The following CHSY1 variants were observed in gnomAD, a reference collection of about 807,000 sequenced individuals.
CHSY1 encodes chondroitin sulfate synthase 1.
A neutral mutation model predicts 59.8 loss-of-function variants in CHSY1; 13 were observed. That is an observed-to-expected ratio of 0.22 (90% confidence interval 0.14 to 0.35). CHSY1 has a LOEUF of 0.35. Among genes scored for constraint, CHSY1 ranks in the 10% least tolerant of loss-of-function variants. CHSY1 has a pLI of 1.00. For missense variants in CHSY1, 947 were observed against 1,030.6 expected, an observed-to-expected ratio of 0.92 and a Z score of 1.11; for synonymous variants, 459 against 401.2, an observed-to-expected ratio of 1.14 and a Z score of -1.72.
chr15:101,195,617 C>A (rs1046520776), intron 2 of CHSY1, among the ~76,000 whole-genome samples: 1 of 152,036 alleles, frequency 6.6e-6, no homozygotes, highest in Non-Finnish European at 1.5e-5. Context: ...GTCAGGAGAT[C>A]GAAACCATAC....
At chr15:101,205,210 AACCCTATT>A (rs2038613097) in intron 2 of CHSY1, among the ~76,000 whole-genome samples, 1 of 151,950 alleles carries the variant, frequency 6.6e-6, no homozygotes, top group Non-Finnish European at 1.5e-5. Context: ...TCCTGGACAA[AACCCTATT>A]ACTATTTCTG....
intron 1 of CHSY1, among the ~76,000 whole-genome samples, chr15:101,247,673 T>C (rs2039065058): frequency 6.6e-6 from 1 of 152,184 alleles, no homozygotes; most frequent in Non-Finnish European, 1.5e-5. Flanking sequence ...ACCTGCTACA[T>C]TTTGAGTTTT....
rs2039118340 is a variant in CHSY1, at chr15:101,251,774, G to C, written c.-318C>G. On this transcript the variant is annotated 5_prime_UTR_variant, in exon 1 of 3. Transcript: ENST00000254190. ...GCTCGCGCGCGGGGACGCGGGGCCGGCACGACGGCGACGACGGCGGCGGCA... is the reference window on the plus strand; with the variant it reads ...GCTCGCGCGCGGGGACGCGGGGCCGCCACGACGGCGACGACGGCGGCGGCA... 6.7e-6 allele frequency: 1 copy of C among 149,786 alleles called. No homozygotes were observed. Among genetic ancestry groups the C allele is most frequent in the Non-Finnish European group, 1.5e-5 (1 of 67,288 alleles). 9.3% of individuals were successfully genotyped at this position (149,786 alleles called of 1,614,324 possible).
chr15:101,226,671 A>G (rs1236711451), intron 2 of CHSY1, among the ~76,000 whole-genome samples: 1 of 151,660 alleles, frequency 6.6e-6, no homozygotes, highest in Non-Finnish European at 1.5e-5. Flanking sequence ...ACTGCACCCC[A>G]CCTCGCTCCA....
At chr15:101,224,014 A>C (rs2038815003) in intron 2 of CHSY1, among the ~76,000 whole-genome samples, 1 of 152,262 alleles carries the variant, frequency 6.6e-6, no homozygotes, top group Non-Finnish European at 1.5e-5. Flanking sequence ...TTAGAAATAC[A>C]AACACTTACC....
rs1180359083 is a variant in CHSY1 at position 101,176,125 on chromosome 15, C to T, written c.*1263G>A. 2.5e-5 allele frequency: 10 copies of T among 397,278 alleles called. No homozygotes were observed. Among genetic ancestry groups the T allele is most frequent in the Non-Finnish European group, 4.4e-6 (1 of 225,610 alleles). 24.6% of individuals were successfully genotyped at this position (397,278 alleles called of 1,614,324 possible). A position where few individuals can be genotyped will look rare whatever the true frequency, so the allele number is the denominator to read the frequency against. The stretch of plus-strand genomic sequence containing the variant: ...TTTCCAAAAGGAAATCTTTGGAGAT[C>T]GGTTTACTGCAAATAAAACAGACTA... On this transcript the variant is annotated 3_prime_UTR_variant, in exon 3 of 3. Coordinates refer to ENST00000254190, the MANE Select transcript of CHSY1 (RefSeq NM_014918.5).
Position 101,177,338 on chromosome 15 carries a change from TGAAAA to T in CHSY1, c.*45_*49del. 1 of 1,571,700 alleles carries T rather than the reference TGAAAA, an allele frequency of 6.4e-7. No individual in the cohort carries two copies. Among genetic ancestry groups the T allele is most frequent in the Non-Finnish European group, 8.6e-7 (1 of 1,162,170 alleles). ...AAAAACTGATCATACAAAAAATTTTTGAAAAATAAATTAGATAATTAAAAACGTCT... is the reference window on the plus strand; with the variant it reads ...AAAAACTGATCATACAAAAAATTTTTATAAATTAGATAATTAAAAACGTCT... On this transcript the variant is annotated 3_prime_UTR_variant, in exon 3 of 3. Coordinates refer to ENST00000254190, the MANE Select transcript of CHSY1 (RefSeq NM_014918.5).
intron 1 of CHSY1, among the ~76,000 whole-genome samples, chr15:101,248,409 C>T (rs957244816): frequency 6.6e-6 from 1 of 152,208 alleles, no homozygotes; most frequent in Non-Finnish European, 1.5e-5. Flanking sequence ...GCAAAGGACC[C>T]TAACTGGCAG....
intron 2 of CHSY1, 99 bp downstream of exon 2, chr15:101,234,983 C>G: frequency 6.7e-7 from 1 of 1,490,038 alleles, no homozygotes; most frequent in Non-Finnish European, 9.2e-7. Flanking sequence ...CTTCAACCCT[C>G]AAAGAGGATA....
At chr15:101,181,881 G>A (rs1177686451) in intron 2 of CHSY1, among the ~76,000 whole-genome samples, 1 of 152,108 alleles carries the variant, frequency 6.6e-6, no homozygotes, top group African/African-American at 2.4e-5. Context: ...ACTGTTGACT[G>A]GAAGTCTTAT....
At position 101,178,336 on chromosome 15, in the gene CHSY1, C is replaced by T. The variant is rs754194196; in HGVS notation, c.1461G>A (p.Glu487=). The change falls in exon 3 of 3, where the codon GAG becomes GAA. Residue 487 remains glutamate, a synonymous_variant. Coordinates refer to ENST00000254190, the MANE Select transcript of CHSY1 (RefSeq NM_014918.5). ...FSKIQFVEHE[E]LDAQELAKRI... is the part of the protein sequence containing the mutation. ...TCTTGGCCAACTCTTGTGCATCCAGCTCCTCATGCTCCACAAACTGGATTT... is the reference window on the plus strand; with the variant it reads ...TCTTGGCCAACTCTTGTGCATCCAGTTCCTCATGCTCCACAAACTGGATTT... 3.0e-5 allele frequency: 48 copies of T among 1,607,586 alleles called. No individual in the cohort carries two copies. The East Asian group carries it at 7.4e-4, about 25-fold the overall frequency.
At chr15:101,222,337 T>C (rs1014546791) in intron 2 of CHSY1, among the ~76,000 whole-genome samples, 1 of 152,192 alleles carries the variant, frequency 6.6e-6, no homozygotes, top group Non-Finnish European at 1.5e-5. Context: ...TTCTAGCCAC[T>C]TTGTACTTCA....
chr15:101,248,935 T>C (rs374341622), intron 1 of CHSY1, among the ~76,000 whole-genome samples: 54 of 149,564 alleles, frequency 3.6e-4, no homozygotes, highest in African/African-American at 1.2e-3. Flanking sequence ...TACAGGCACC[T>C]GCCACCAAGC....
intron 2 of CHSY1, among the ~76,000 whole-genome samples, chr15:101,213,188 C>T (rs974603847): frequency 3.9e-5 from 6 of 152,250 alleles, no homozygotes; most frequent in Non-Finnish European, 5.9e-5. Context: ...TAAAAATCAA[C>T]TGTATGGAAC....
chr15:101,180,509 CT>C (rs1371691145), intron 2 of CHSY1, among the ~76,000 whole-genome samples: 1 of 152,136 alleles, frequency 6.6e-6, no homozygotes, highest in African/African-American at 2.4e-5. Flanking sequence ...CCTCCCTAGG[CT>C]AGGAGGAGAA....
At chr15:101,246,235 A>G (rs923239261) in intron 1 of CHSY1, among the ~76,000 whole-genome samples, 3 of 152,236 alleles carry the variant, frequency 2.0e-5, no homozygotes, top group Non-Finnish European at 4.4e-5. Flanking sequence ...CAACATAAAA[A>G]AAGAACAAAA....
At chr15:101,205,915 A>G (rs138171131) in intron 2 of CHSY1, among the ~76,000 whole-genome samples, 2,591 of 152,002 alleles carry the variant, frequency 0.017, 65 homozygotes, top group African/African-American at 0.057. Context: ...TAGCGCCACT[A>G]CACTCCAGCC....
Position 101,176,549 on chromosome 15 carries a change from T to C in CHSY1, c.*839A>G. 1 of 396,900 alleles carries C rather than the reference T, an allele frequency of 2.5e-6. No individual in the cohort carries two copies. Among genetic ancestry groups the C allele is most frequent in the Non-Finnish European group, 4.4e-6 (1 of 225,462 alleles). 24.6% of individuals were successfully genotyped at this position (396,900 alleles called of 1,614,324 possible). A position where few individuals can be genotyped will look rare whatever the true frequency, so the allele number is the denominator to read the frequency against. On this transcript the variant is annotated 3_prime_UTR_variant, in exon 3 of 3. Transcript: ENST00000254190. ...ATGAACTACCACGAGAACAGCCACA[T>C]ACCTCACTGTGCCTTCTTCACGCCC...
At chr15:101,190,781 G>C (rs2038432420) in intron 2 of CHSY1, among the ~76,000 whole-genome samples, 1 of 152,140 alleles carries the variant, frequency 6.6e-6, no homozygotes, top group South Asian at 2.1e-4. Context: ...GTAGCCAAAG[G>C]CTTTAACAAG....
Sources: gnomAD v4.1 joint callset for allele counts (sites outside exome capture counted in the v4.1 genomes callset) on GRCh38, gnomAD v4.1.1 for gene constraint, MANE v1.5 for transcripts, NCBI Gene and HGNC (gene_info 2026-07-23, HGNC 2026-07-21) for gene names.